The following AFG2A variants were observed in gnomAD, a reference collection of about 807,000 sequenced individuals.
AFG2A encodes the protein AAA ATPase AFG2A.
At chr4:123,204,065 A>G in the AFG2A span, among the ~76,000 whole-genome samples, 1 of 152,204 alleles carries the variant, frequency 6.6e-6, no homozygotes, top group Non-Finnish European at 1.5e-5. Flanking sequence ...TTCATCTGCT[A>G]ACTTTCTTCT....
chr4:123,017,179 GGGAGAGGGAAAGGGAGAGGGA>G, the AFG2A span, among the ~76,000 whole-genome samples: 1 of 10,564 alleles, frequency 9.5e-5, no homozygotes, highest in African/African-American at 2.1e-4. Context: ...AGGGAGAGGG[GGGAGAGGGAAAGGGAGAGGGA>G]GAGGGAGAGA....
At chr4:123,108,409 C>T in the AFG2A span, among the ~76,000 whole-genome samples, 1 of 152,010 alleles carries the variant, frequency 6.6e-6, no homozygotes, top group African/African-American at 2.4e-5. Context: ...GATTATACTC[C>T]TGTCTCCTAG....
chr4:123,242,328 C>CT, the AFG2A span, among the ~76,000 whole-genome samples: 4 of 152,168 alleles, frequency 2.6e-5, no homozygotes, highest in Admixed American at 6.5e-5. Flanking sequence ...AACAACAAAG[C>CT]TGGAGGCATC....
the AFG2A span, among the ~76,000 whole-genome samples, chr4:123,161,686 G>GA: frequency 6.6e-6 from 1 of 152,148 alleles, no homozygotes; most frequent in East Asian, 1.9e-4. Context: ...TTTCTGAATA[G>GA]AAAAAAATAC....
At chr4:123,001,526 A>G in the AFG2A span, among the ~76,000 whole-genome samples, 2 of 151,208 alleles carry the variant, frequency 1.3e-5, no homozygotes, top group African/African-American at 4.9e-5. Flanking sequence ...TTGGTTTCAA[A>G]GAACATCTTT....
the AFG2A span, among the ~76,000 whole-genome samples, chr4:122,974,111 T>C: frequency 4.4e-4 from 67 of 152,168 alleles, no homozygotes; most frequent in African/African-American, 1.4e-3. Flanking sequence ...GTAGTTTGTA[T>C]TAGAAATAAT....
chr4:123,132,946 A>G, the AFG2A span, among the ~76,000 whole-genome samples: 1 of 151,840 alleles, frequency 6.6e-6, no homozygotes. Flanking sequence ...ACGCCCGGCT[A>G]ATTTTTTGTA....
At chr4:122,928,313 T>A in the AFG2A span, among the ~76,000 whole-genome samples, 1 of 152,178 alleles carries the variant, frequency 6.6e-6, no homozygotes, top group African/African-American at 2.4e-5. Context: ...ATACCTGAGA[T>A]TCTAAGCCTG....
chr4:123,240,278 A>T, the AFG2A span, among the ~76,000 whole-genome samples: 1 of 152,232 alleles, frequency 6.6e-6, no homozygotes, highest in Admixed American at 6.5e-5. Context: ...CACCAAGCAG[A>T]CTTAATAGAT....
chr4:123,006,280 T>A, the AFG2A span, among the ~76,000 whole-genome samples: 1 of 152,142 alleles, frequency 6.6e-6, no homozygotes, highest in East Asian at 1.9e-4. Flanking sequence ...ATTTTCTTTG[T>A]CTTGTCTATA....
the AFG2A span, among the ~76,000 whole-genome samples, chr4:122,969,439 C>T: frequency 6.6e-6 from 1 of 152,186 alleles, no homozygotes; most frequent in Non-Finnish European, 1.5e-5. Context: ...GTCTTTTATC[C>T]TTGTCCACAA....
chr4:123,228,568 C>T, the AFG2A span, among the ~76,000 whole-genome samples: 2 of 151,908 alleles, frequency 1.3e-5, no homozygotes, highest in Admixed American at 6.6e-5. Context: ...ATACTAATAG[C>T]GTTCATTTAT....
chr4:122,934,830 C>CT, the AFG2A span: 1 of 1,450,270 alleles, frequency 6.9e-7, no homozygotes. Context: ...TCCTCTTTTC[C>CT]TGTTTTTATT....
At chr4:123,300,654 T>G in the AFG2A span, among the ~76,000 whole-genome samples, 21 of 152,308 alleles carry the variant, frequency 1.4e-4, no homozygotes, top group African/African-American at 5.1e-4. Flanking sequence ...AGTTAATACA[T>G]GCCACTTGTA....
At chr4:123,305,697 A>AT in the AFG2A span, among the ~76,000 whole-genome samples, 13 of 152,086 alleles carry the variant, frequency 8.5e-5, no homozygotes, top group Non-Finnish European at 1.8e-4. Flanking sequence ...TTATCACGTC[A>AT]TTTTTTTAAA....
At chr4:123,055,682 G>C in the AFG2A span, among the ~76,000 whole-genome samples, 1 of 152,184 alleles carries the variant, frequency 6.6e-6, no homozygotes, top group East Asian at 1.9e-4. Flanking sequence ...GTGTGTGTAT[G>C]TGTTTGTGCA....
the AFG2A span, among the ~76,000 whole-genome samples, chr4:123,118,644 TG>T: frequency 2.0e-5 from 3 of 151,882 alleles, no homozygotes; most frequent in Admixed American, 6.6e-5. Flanking sequence ...TTTGTACTTG[TG>T]CTGGTTTGTT....
chr4:123,059,581 C>T, the AFG2A span, among the ~76,000 whole-genome samples: 1 of 151,646 alleles, frequency 6.6e-6, no homozygotes, highest in Non-Finnish European at 1.5e-5. Flanking sequence ...GGTTCCAAGT[C>T]TTTGCTATTG....
At chr4:123,294,178 G>A in the AFG2A span, among the ~76,000 whole-genome samples, 1 of 152,114 alleles carries the variant, frequency 6.6e-6, no homozygotes, top group Admixed American at 6.5e-5. Context: ...AACTTCCTCT[G>A]GTCTCCCAAA....
Sources: allele counts gnomAD v4.1 joint callset (sites outside exome capture counted in the v4.1 genomes callset), GRCh38; gene constraint gnomAD v4.1.1; transcripts MANE v1.5; gene names NCBI Gene and HGNC (gene_info 2026-07-23, HGNC 2026-07-21).